Variants in PKIB observed in about 807,000 individuals in gnomAD.
The protein encoded by PKIB is PKI-beta.
PKIB carries 2 observed loss-of-function variants against 4.5 expected under a neutral mutation model. That is an observed-to-expected ratio of 0.44 (90% CI 0.18 to 1.39). The LOEUF is 1.39. Ranked by LOEUF, PKIB falls within the 40% of genes most tolerant of loss-of-function variation. The pLI is 0.27. For synonymous variants in PKIB, 38 were observed against 36.0 expected, an observed-to-expected ratio of 1.06 and a Z score of -0.20; for missense variants, 94 against 92.6, an observed-to-expected ratio of 1.02 and a Z score of -0.06.
At chr6:122,587,588 T>C (rs986235080) in intron 3 of PKIB, among the ~76,000 whole-genome samples, 2 of 152,226 alleles carry the variant, frequency 1.3e-5, no homozygotes, top group African/African-American at 4.8e-5. Context: ...TCTAGATCCC[T>C]GAGGAATTGT....
intron 2 of PKIB, among the ~76,000 whole-genome samples, chr6:122,501,677 C>T (rs1351568905): frequency 6.6e-6 from 1 of 152,144 alleles, no homozygotes; most frequent in Non-Finnish European, 1.5e-5. Flanking sequence ...TTTTTCCCTC[C>T]TAGACCTCCA....
chr6:122,597,640 C>A (rs1302863534), intron 3 of PKIB, among the ~76,000 whole-genome samples: 1 of 152,180 alleles, frequency 6.6e-6, no homozygotes, highest in Non-Finnish European at 1.5e-5. Context: ...TGGTACTAAT[C>A]TCTGCAATCT....
In PKIB at chr6:122,640,932, G is replaced by A. The variant is rs139603852; in HGVS notation, c.-76+7565G>A. On this transcript the variant is annotated intron_variant, in intron 2 of 4. Coordinates refer to ENST00000368452, the MANE Select transcript of PKIB (RefSeq NM_181795.3). Reference sequence around the variant, plus strand: ...TTTATTCGTGTAATTCATATTATACGAATATGAATTTCAATAATGAGACAT... The same window carrying A: ...TTTATTCGTGTAATTCATATTATACAAATATGAATTTCAATAATGAGACAT... 1.5e-3 allele frequency among the ~76,000 whole-genome samples: 227 copies of A among 151,868 alleles called. 1 individual carries two copies. Among genetic ancestry groups the A allele is most frequent in the Non-Finnish European group, 1.3e-3 (88 of 67,954 alleles).
chr6:122,581,464 A>G (rs1216555739), intron 2 of PKIB, among the ~76,000 whole-genome samples: 1 of 152,174 alleles, frequency 6.6e-6, no homozygotes, highest in Non-Finnish European at 1.5e-5. Context: ...AATTAATGCA[A>G]ATTACTTGGT....
At chr6:122,665,569 G>C (rs1303940862) in intron 2 of PKIB, among the ~76,000 whole-genome samples, 1 of 152,038 alleles carries the variant, frequency 6.6e-6, no homozygotes, top group Non-Finnish European at 1.5e-5. Context: ...AAGTAGACTC[G>C]GGAGAGAGAC....
chr6:122,493,093 T>G (rs932844967), intron 2 of PKIB: 1 of 152,242 alleles, frequency 6.6e-6, no homozygotes, highest in Non-Finnish European at 1.5e-5. Context: ...TTTTAGACTT[T>G]CCAATATTTT....
chr6:122,701,887 A>T (rs915158416), intron 3 of PKIB, among the ~76,000 whole-genome samples: 1 of 152,180 alleles, frequency 6.6e-6, no homozygotes, highest in Admixed American at 6.5e-5. Flanking sequence ...ATTGCAGGGC[A>T]TGCAGGAGCA....
chr6:122,614,727 A>G (rs925129594), intron 1 of PKIB, among the ~76,000 whole-genome samples: 6 of 152,162 alleles, frequency 3.9e-5, no homozygotes, highest in African/African-American at 1.4e-4. Flanking sequence ...TTGAGCTAAT[A>G]CATCTCAGAA....
chr6:122,555,902 C>A (rs1471620291), intron 2 of PKIB, among the ~76,000 whole-genome samples: 1 of 152,162 alleles, frequency 6.6e-6, no homozygotes, highest in Non-Finnish European at 1.5e-5. Context: ...AAATATCACA[C>A]AAAAGTTCAG....
intron 2 of PKIB, among the ~76,000 whole-genome samples, chr6:122,649,986 G>A (rs183834503): frequency 4.5e-4 from 68 of 152,256 alleles, no homozygotes; most frequent in Admixed American, 1.4e-3. Context: ...TTGTTATAGA[G>A]CCTTCTCTTA....
intron 2 of PKIB, among the ~76,000 whole-genome samples, chr6:122,663,706 T>C (rs2114922146): frequency 6.6e-6 from 1 of 152,280 alleles, no homozygotes; most frequent in East Asian, 1.9e-4. Context: ...AGGACACCAG[T>C]CATATTGGAT....
intron 2 of PKIB, among the ~76,000 whole-genome samples, chr6:122,656,229 T>A (rs549896015): frequency 2.6e-5 from 4 of 152,320 alleles, no homozygotes; most frequent in South Asian, 4.1e-4. Flanking sequence ...CTGATAAGTC[T>A]GTTACATAAA....
At chr6:122,473,847 A>G (rs906692435) in intron 1 of PKIB, among the ~76,000 whole-genome samples, 3 of 152,196 alleles carry the variant, frequency 2.0e-5, no homozygotes, top group Admixed American at 6.5e-5. Context: ...AAAACATTCT[A>G]TCTAGCTGAG....
intron 2 of PKIB, chr6:122,483,186 A>G (rs1775675924): frequency 6.6e-6 from 1 of 152,160 alleles, no homozygotes; most frequent in Non-Finnish European, 1.5e-5. Context: ...TCATTTTTAA[A>G]TTTAAACCAG....
chr6:122,600,942 G>T (rs1774344120), intron 3 of PKIB, among the ~76,000 whole-genome samples: 1 of 151,962 alleles, frequency 6.6e-6, no homozygotes, highest in Admixed American at 6.6e-5. Context: ...CATGAAAATT[G>T]AGGAAAGATT....
At chr6:122,635,476 T>C (rs533971138) in intron 2 of PKIB, among the ~76,000 whole-genome samples, 8 of 146,222 alleles carry the variant, frequency 5.5e-5, no homozygotes, top group African/African-American at 2.1e-4. Context: ...ATTATCCCTA[T>C]ATTCTATGAA....
intron 2 of PKIB, among the ~76,000 whole-genome samples, chr6:122,485,959 TAGG>T (rs1775754856): frequency 6.6e-6 from 1 of 152,204 alleles, no homozygotes; most frequent in Non-Finnish European, 1.5e-5. Flanking sequence ...TGTCTTTTCT[TAGG>T]AGAAATTTCT....
intron 2 of PKIB, among the ~76,000 whole-genome samples, chr6:122,671,550 T>C (rs1252957149): frequency 6.6e-6 from 1 of 152,176 alleles, no homozygotes; most frequent in Non-Finnish European, 1.5e-5. Context: ...CTTGGTGTTT[T>C]GAGGCAGAAA....
chr6:122,711,501 A>G (rs893204263), intron 3 of PKIB, among the ~76,000 whole-genome samples: 1 of 152,202 alleles, frequency 6.6e-6, no homozygotes, highest in Non-Finnish European at 1.5e-5. Context: ...GGAATCTGCA[A>G]GTGGTTGGGA....
Sources: gnomAD v4.1 joint callset for allele counts (sites outside exome capture counted in the v4.1 genomes callset) on GRCh38, gnomAD v4.1.1 for gene constraint, MANE v1.5 for transcripts, NCBI Gene and HGNC (gene_info 2026-07-23, HGNC 2026-07-21) for gene names.